LRRC1: variants seen among roughly 807,000 people sequenced by gnomAD.
The protein encoded by LRRC1 is leucine-rich repeat-containing protein 1.
Under a neutral mutation model 69.9 loss-of-function variants are expected in LRRC1, and 28 were observed. That is an observed-to-expected ratio of 0.40 (90% CI 0.30 to 0.55). LRRC1 has a LOEUF of 0.55. Among genes scored for constraint, LRRC1 ranks in the 20% least tolerant of loss-of-function variants. The probability of loss-of-function intolerance (pLI) is 0.47; values close to 1 mark genes in which losing one functional copy is unlikely to be tolerated. For synonymous variants in LRRC1, 236 were observed against 240.2 expected, an observed-to-expected ratio of 0.98 and a Z score of 0.16; for missense variants, 498 against 609.0, an observed-to-expected ratio of 0.82 and a Z score of 1.92.
intron 4 of LRRC1, among the ~76,000 whole-genome samples, chr6:53,892,011 T>TACACAC (rs70980877): frequency 0.017 from 2,248 of 135,352 alleles, 29 homozygotes; most frequent in East Asian, 0.057. Flanking sequence ...TATATATATA[T>TACACAC]ACACACACAC....
chr6:53,840,998 C>A (rs940651796), intron 1 of LRRC1, among the ~76,000 whole-genome samples: 1 of 150,638 alleles, frequency 6.6e-6, no homozygotes, highest in Non-Finnish European at 1.5e-5. Flanking sequence ...TTGGAAGCTC[C>A]GTGTGTTGGT....
At chr6:53,812,470 C>T (rs1327656781) in intron 1 of LRRC1, among the ~76,000 whole-genome samples, 8 of 150,382 alleles carry the variant, frequency 5.3e-5, no homozygotes, top group Admixed American at 6.6e-5. Flanking sequence ...GCGGGCGGAT[C>T]ACGAGGTCAG....
At position 53,846,610 on chromosome 6, in the gene LRRC1, G is replaced by A. The variant is rs181510684; in HGVS notation, c.277+4383G>A. The stretch of plus-strand genomic sequence containing the variant: ...ATTTGTTTTTTTAAAACAGGCAAAT[G>A]TCTAAAACATATATGAGAAAAAAAA... On this transcript the variant is annotated intron_variant, in intron 2 of 13. Coordinates refer to ENST00000370888, the MANE Select transcript of LRRC1 (RefSeq NM_018214.5). 5.7e-3 allele frequency among the ~76,000 whole-genome samples: 866 copies of A among 152,232 alleles called. 7 individuals are homozygous for A. The highest frequency in any genetic ancestry group is 0.02 in the African/African-American group (822 of 41,542).
intron 1 of LRRC1, among the ~76,000 whole-genome samples, chr6:53,800,192 C>G (rs1764431233): frequency 6.7e-6 from 1 of 150,194 alleles, no homozygotes; most frequent in Admixed American, 6.6e-5. Flanking sequence ...AGATGTCTAA[C>G]ATCTTTCTGG....
chr6:53,817,851 C>T (rs1011143088), intron 1 of LRRC1, among the ~76,000 whole-genome samples: 3 of 151,966 alleles, frequency 2.0e-5, no homozygotes, highest in Admixed American at 2.0e-4. Context: ...AATGTAGGTA[C>T]TAAAAAAAAA....
chr6:53,852,417 G>T (rs1766166922), intron 2 of LRRC1, among the ~76,000 whole-genome samples: 1 of 152,126 alleles, frequency 6.6e-6, no homozygotes, highest in African/African-American at 2.4e-5. Context: ...TACAAGTGAG[G>T]TTTCGGCTCA....
chr6:53,825,335 C>T (rs1765226584), intron 1 of LRRC1, among the ~76,000 whole-genome samples: 3 of 152,132 alleles, frequency 2.0e-5, no homozygotes, highest in African/African-American at 7.2e-5. Flanking sequence ...ATAAAATTTG[C>T]CTGCCTTACC....
At chr6:53,916,755 G>A (rs542311918) in intron 11 of LRRC1, among the ~76,000 whole-genome samples, 20 of 152,268 alleles carry the variant, frequency 1.3e-4, no homozygotes, top group Non-Finnish European at 1.9e-4. Context: ...ATTGTAAGGC[G>A]TATTCAGTCA....
At chr6:53,899,639 C>T (rs1238958745) in intron 7 of LRRC1, 108 bp from the exon 8 acceptor site, 3 of 1,047,400 alleles carry the variant, frequency 2.9e-6, no homozygotes, top group African/African-American at 3.3e-5. Flanking sequence ...CTAAAGATAA[C>T]ATCCTTAGGA....
chr6:53,842,172 C>A lies in LRRC1; in HGVS notation c.222C>A (p.Leu74=). The change falls in exon 2 of 14, where the codon CTC becomes CTA. Residue 74 remains leucine (L), a synonymous_variant. Coordinates refer to ENST00000370888, the MANE Select transcript of LRRC1 (RefSeq NM_018214.5). Reference sequence around the variant, plus strand: ...TTAGTGATAATGAAATTCAGCGGCTCCCTCCAGAAATAGCAAACTTCATGC... The same window carrying A: ...TTAGTGATAATGAAATTCAGCGGCTACCTCCAGAAATAGCAAACTTCATGC... ...LGLSDNEIQR[L]PPEIANFMQL... is the part of the protein sequence containing the mutation. The A allele has an allele frequency of 6.2e-7, 1 of 1,614,016 alleles. No individual in the cohort carries two copies. The highest frequency in any genetic ancestry group is 8.5e-7 in the Non-Finnish European group (1 of 1,179,958).
chr6:53,880,218 G>C (rs1328387532), intron 3 of LRRC1, among the ~76,000 whole-genome samples: 1 of 151,830 alleles, frequency 6.6e-6, no homozygotes, highest in East Asian at 1.9e-4. Context: ...AACTATTTCT[G>C]CTTGTCCTTC....
At chr6:53,832,527 T>A (rs1320847689) in intron 1 of LRRC1, among the ~76,000 whole-genome samples, 2 of 152,232 alleles carry the variant, frequency 1.3e-5, no homozygotes, top group African/African-American at 4.8e-5. Context: ...GCAACCTTAT[T>A]GAAAATCGCA....
At chr6:53,840,378 C>CT (rs1427046887) in intron 1 of LRRC1, among the ~76,000 whole-genome samples, 44 of 152,076 alleles carry the variant, frequency 2.9e-4, no homozygotes, top group Non-Finnish European at 8.8e-5. Flanking sequence ...TTGTTAAGAC[C>CT]TTTTTCCTTT....
At chr6:53,911,203 A>G (rs1054187012) in intron 10 of LRRC1, among the ~76,000 whole-genome samples, 4 of 152,158 alleles carry the variant, frequency 2.6e-5, no homozygotes, top group African/African-American at 9.7e-5. Context: ...AAATGAAACA[A>G]TAACACACAG....
intron 2 of LRRC1, among the ~76,000 whole-genome samples, chr6:53,863,924 C>T (rs1324063872): frequency 6.6e-6 from 1 of 151,170 alleles, no homozygotes; most frequent in Non-Finnish European, 1.5e-5. Context: ...AAACCTTTCT[C>T]TCCACTTCTT....
intron 1 of LRRC1, among the ~76,000 whole-genome samples, chr6:53,807,750 A>T (rs1186570224): frequency 2.1e-4 from 1 of 4,740 alleles, no homozygotes; most frequent in Non-Finnish European, 7.0e-4. Flanking sequence ...CGTGTCGTCA[A>T]CAACAACAAC....
intron 2 of LRRC1, among the ~76,000 whole-genome samples, chr6:53,874,552 A>G (rs76769016): frequency 0.018 from 2,665 of 152,286 alleles, 79 homozygotes; most frequent in African/African-American, 0.061. Flanking sequence ...GCATAGATCC[A>G]AATGTTTTAC....
intron 2 of LRRC1, among the ~76,000 whole-genome samples, chr6:53,865,149 A>T (rs1766656461): frequency 6.6e-6 from 1 of 152,106 alleles, no homozygotes; most frequent in Non-Finnish European, 1.5e-5. Context: ...CTGCTGTAAT[A>T]ATTCCTCTCC....
chr6:53,817,944 C>CT (rs999588233), intron 1 of LRRC1, among the ~76,000 whole-genome samples: 18 of 152,134 alleles, frequency 1.2e-4, no homozygotes, highest in Admixed American at 1.1e-3. Context: ...ATGATCAGCA[C>CT]TTTTTTTGAA....
Sources: gnomAD v4.1 joint callset for allele counts (sites outside exome capture counted in the v4.1 genomes callset) on GRCh38, gnomAD v4.1.1 for gene constraint, MANE v1.5 for transcripts, NCBI Gene and HGNC (gene_info 2026-07-23, HGNC 2026-07-21) for gene names.